The following CACNA1F variants were observed in gnomAD, a reference collection of about 807,000 sequenced individuals.
CACNA1F encodes calcium voltage-gated channel subunit alpha1 F, also known as voltage-dependent L-type calcium channel subunit alpha-1F.
A neutral mutation model predicts 143.8 loss-of-function variants in CACNA1F; 59 were observed. The observed-to-expected ratio is 0.41, with a 90% CI of 0.33 to 0.51. CACNA1F has a LOEUF of 0.51. Among genes scored for constraint, CACNA1F ranks in the 20% least tolerant of loss-of-function variants. The pLI, the probability that CACNA1F is intolerant of heterozygous loss-of-function variation, is 0.22. For synonymous variants in CACNA1F, 643 were observed against 649.1 expected (o/e 0.99, Z 0.14); for missense variants, 1,411 against 1,647.5 (o/e 0.86, Z 2.48).
rs782774238 is a variant in CACNA1F at position 49,219,783 on chromosome X, C to T, written c.2394G>A (p.Glu798=). Residue 798 remains glutamate (E), a synonymous_variant, in exon 20 of 48, where the codon GAG becomes GAA. Coordinates refer to ENST00000323022, the MANE Select transcript of CACNA1F (RefSeq NM_001256789.3). ...CCTCTTCTTCCTCCTCCTCCTCCTCCTCCATGTCTGGCACCAGAGAAAAGC... is the reference window on the plus strand; with the variant it reads ...CCTCTTCTTCCTCCTCCTCCTCCTCTTCCATGTCTGGCACCAGAGAAAAGC... ...EGARREGADM[E]EEEEEEEEEE... The T allele has an allele frequency of 9.1e-7, 1 of 1,093,533 alleles. No homozygotes were observed. The highest frequency in any genetic ancestry group is 1.2e-6 in the Non-Finnish European group (1 of 804,745). The allele number at this position is 1,093,533 out of a possible 1,213,427, so 90.1% of individuals were successfully genotyped here.
At chrX:49,206,978 TC>T in intron 44 of CACNA1F, 26 bp downstream of exon 44, 1 of 1,123,505 alleles carries the variant, frequency 8.9e-7, no homozygotes, top group Non-Finnish European at 1.2e-6. Flanking sequence ...GCTCATGGGT[TC>T]ATCCCATGTG....
At chrX:49,214,026 A>AC in intron 30 of CACNA1F, 124 bp from the exon 31 acceptor site, 2 of 632,781 alleles carry the variant, frequency 3.2e-6, no homozygotes, top group Middle Eastern at 4.2e-4. Flanking sequence ...ATGGGCCTGC[A>AC]CCTGAGTCCC....
rs33910054 is a variant in CACNA1F, at chrX:49,205,282, C to A, written c.5756G>T (p.Arg1919Leu). 8.3e-7 allele frequency: 1 copy of A among 1,209,038 alleles called. No individual in the cohort carries two copies. Reference protein sequence around the residue: ...LAKQEIADACRLTLDEMDNAA... With the variant: ...LAKQEIADACLLTLDEMDNAA... ...ATTGTCCATCTCATCCAGCGTCAGG[C>A]GACACGCATCTGCAATCTCCTGCTT... is the stretch of plus-strand genomic sequence containing the variant. The change falls in exon 48 of 48, where the codon CGC becomes CTC. Residue 1919 changes from arginine (R) to leucine (L), a missense_variant. This residue lies in a region of CACNA1F where 349 missense variants were observed against 350.2 expected (regional missense o/e 1.00). Coordinates refer to ENST00000323022, the MANE Select transcript of CACNA1F (RefSeq NM_001256789.3).
Position 49,216,484 on chromosome X carries a change from A to AG in CACNA1F, c.3133dup (p.Leu1045ProfsTer11), listed in dbSNP as rs80359870. ...GTTGACCCAGAGCCGCTCCCGGACCAGGGGCCGTGACACGTCTCCATCTGG... is the reference window on the plus strand; with the variant it reads ...GTTGACCCAGAGCCGCTCCCGGACCAGGGGGCCGTGACACGTCTCCATCTGG... On this transcript the variant is annotated frameshift_variant, in exon 27 of 48. Transcript: ENST00000323022. LOFTEE classifies it high-confidence loss of function. 8.3e-7 allele frequency: 1 copy of AG among 1,205,251 alleles called. No individual in the cohort carries two copies.
chrX:49,232,415 T>A (rs1452138742), intron 1 of CACNA1F, among the ~76,000 whole-genome samples: 1 of 111,697 alleles, frequency 9.0e-6, no homozygotes, highest in African/African-American at 3.3e-5. Context: ...TCCCATGGTC[T>A]CGTTTCAGCC....
At position 49,233,303 on chromosome X, in the gene CACNA1F, C is replaced by T; in HGVS notation, c.7G>A (p.Glu3Lys). The T allele has an allele frequency of 8.3e-7, 1 of 1,207,713 alleles. No homozygotes were observed. Residue 3 changes from glutamate to lysine, a missense_variant, in exon 1 of 48, where the codon GAA (glutamate) becomes AAA (lysine). Around this residue, in one of 3 missense-constraint regions of CACNA1F, gnomAD observed 950 missense variants for 1,128.1 expected, o/e 0.84. Transcript: ENST00000323022. ...CTCTCACCTTTCCCGCCTTCAGATTCCGACATCTTTCTTTCGAGATTGAAG... is the reference window on the plus strand; with the variant it reads ...CTCTCACCTTTCCCGCCTTCAGATTTCGACATCTTTCTTTCGAGATTGAAG... MS[E>K]SEGGKDTTPE...
Position 49,221,162 on chromosome X carries a change from T to C in CACNA1F, c.2289-82A>G, listed in dbSNP as rs2065771310. Reference sequence around the variant, plus strand: ...CAGAACAGACCTTTCTTGGGTCCCATAGAACTTTCTTGCTTCCGCTCTTCC... The same window carrying C: ...CAGAACAGACCTTTCTTGGGTCCCACAGAACTTTCTTGCTTCCGCTCTTCC... On this transcript the variant is annotated intron_variant, in intron 17 of 47. Transcript: ENST00000323022. 7 of 840,313 alleles carry C rather than the reference T, an allele frequency of 8.3e-6. No individual in the cohort carries two copies. In the Admixed American group the frequency reaches 1.4e-4, roughly 17 times the overall value. 69.3% of individuals were successfully genotyped at this position (840,313 alleles called of 1,213,427 possible). A position where few individuals can be genotyped will look rare whatever the true frequency, so the allele number is the denominator to read the frequency against.
intron 26 of CACNA1F, 114 bp from the exon 27 acceptor site, chrX:49,216,642 G>T: frequency 2.9e-6 from 2 of 679,675 alleles, no homozygotes; most frequent in Non-Finnish European, 4.5e-6. Context: ...TATGTTCTAG[G>T]TTCAAATCCT....
chrX:49,208,702 ACT>A lies in CACNA1F; in HGVS notation c.4954-20_4954-19del. The A allele has an allele frequency of 8.3e-7, 1 of 1,203,135 alleles. No individual in the cohort carries two copies. The highest frequency in any genetic ancestry group is 1.1e-6 in the Non-Finnish European group (1 of 888,265). ...ATCGTGGCCTGTGGAGAGTCACAGG[ACT>A]GAGTGTTGCATGCACTTTGTGGCTA... On this transcript the variant is annotated intron_variant, in intron 42 of 47. Transcript: ENST00000323022.
chrX:49,211,617 C>T (rs1731504818), intron 35 of CACNA1F, 136 bp from the exon 36 acceptor site: 3 of 572,387 alleles, frequency 5.2e-6, no homozygotes, highest in Non-Finnish European at 8.9e-6. Context: ...GATAACATTT[C>T]AATATTTTAA....
At position 49,230,583 on chromosome X, in the gene CACNA1F, C is replaced by T; in HGVS notation, c.548G>A (p.Gly183Asp). The T allele has an allele frequency of 2.6e-6, 3 of 1,171,073 alleles. No individual in the cohort carries two copies. Among genetic ancestry groups the T allele is most frequent in the Non-Finnish European group, 3.4e-6 (3 of 874,469 alleles). ...VGLFSVLLEQ[G>D]PGRPGDAPHT... ...CGGGGCGTCGCCTGGCCGTCCGGGG[C>T]CCTGCTCCAGCAGAACGCTGAACAG... The change falls in exon 5 of 48, where the codon GGC (glycine) becomes GAC (aspartate). Residue 183 changes from glycine (G) to aspartate (D), a missense_variant. This residue lies in a region of CACNA1F where 950 missense variants were observed against 1,128.1 expected (regional missense o/e 0.84). Transcript: ENST00000323022.
chrX:49,231,571 G>A, intron 2 of CACNA1F, 107 bp downstream of exon 2: 1 of 1,036,110 alleles, frequency 9.7e-7, no homozygotes. Flanking sequence ...CTTGACTCTT[G>A]ACCTTGATGA....
intron 26 of CACNA1F, 144 bp downstream of exon 26, chrX:49,217,611 C>T (rs1391161791): frequency 4.1e-5 from 23 of 562,556 alleles, no homozygotes; most frequent in Admixed American, 8.0e-5. Context: ...GGGGGGCCGC[C>T]GAAGACTTGG....
chrX:49,225,165 G>C (rs782545896), intron 13 of CACNA1F, among the ~76,000 whole-genome samples, 179 bp from the exon 14 acceptor site: 1 of 108,297 alleles, frequency 9.2e-6, no homozygotes, highest in East Asian at 2.9e-4. Flanking sequence ...GAAGTTTTGA[G>C]GGGCTTGGAG....
intron 6 of CACNA1F, 140 bp from the exon 7 acceptor site, chrX:49,228,587 C>CG: frequency 1.9e-6 from 1 of 516,358 alleles, no homozygotes; most frequent in Non-Finnish European, 3.4e-6. Context: ...TTTTTTGAGA[C>CG]GGGGTCTCCC....
intron 37 of CACNA1F, 127 bp downstream of exon 37, chrX:49,210,838 C>A: frequency 1.1e-6 from 1 of 871,445 alleles, no homozygotes. Context: ...GAGGATGGGG[C>A]AGTGGAAACT....
Position 49,230,721 on chromosome X carries a change from T to C in CACNA1F, c.522-112A>G, listed in dbSNP as rs2065869424. 4 of 1,081,160 alleles carry C rather than the reference T, an allele frequency of 3.7e-6. No homozygotes were observed. The East Asian group carries it at 1.3e-4, about 36-fold the overall frequency. The allele number at this position is 1,081,160 out of a possible 1,213,427, so 89.1% of individuals were successfully genotyped here. A position where few individuals can be genotyped will look rare whatever the true frequency, so the allele number is the denominator to read the frequency against. On this transcript the variant is annotated intron_variant, in intron 4 of 47. Coordinates refer to ENST00000323022, the MANE Select transcript of CACNA1F (RefSeq NM_001256789.3). ...CCTGTAACTAGAAATAGAAATGGGT[T>C]TTAATAATATTCCTGATTCTGGCTG...
intron 35 of CACNA1F, 71 bp downstream of exon 35, chrX:49,211,827 C>G (rs1399592853): frequency 9.7e-6 from 8 of 823,839 alleles, no homozygotes; most frequent in Admixed American, 2.2e-5. Flanking sequence ...ATAGCTCAAG[C>G]AGTCTGGGGC....
chrX:49,210,922 T>G, intron 37 of CACNA1F, 43 bp downstream of exon 37: 1 of 1,181,025 alleles, frequency 8.5e-7, no homozygotes, highest in Non-Finnish European at 1.1e-6. Flanking sequence ...TGTAGGGCAA[T>G]ACATTGTCCC....
Sources: gnomAD v4.1 joint callset for allele counts (sites outside exome capture counted in the v4.1 genomes callset) on GRCh38, gnomAD v4.1.1 for gene constraint, gnomAD v4.1.1 regional missense constraint, MANE v1.5 for transcripts, NCBI Gene and HGNC (gene_info 2026-07-23, HGNC 2026-07-21) for gene names.